CFAP221: variants seen among roughly 807,000 people sequenced by gnomAD.
CFAP221 encodes the protein cilia- and flagella-associated protein 221.
Under a neutral mutation model 113.1 loss-of-function variants are expected in CFAP221, and 97 were observed. The ratio of observed to expected loss-of-function variants is 0.86; its 90% CI spans 0.73 to 1.02. CFAP221 has a LOEUF of 1.02. Ranked by LOEUF, CFAP221 falls within the 50% of genes least tolerant of loss-of-function variation. The pLI is 0.00. For missense variants in CFAP221, 1,025 were observed against 1,013.4 expected (o/e 1.01, Z -0.16); for synonymous variants, 331 against 354.4 (o/e 0.93, Z 0.74).
intron 23 of CFAP221, chr2:119,656,006 A>G (rs1164880146): frequency 4.1e-6 from 1 of 241,760 alleles, no homozygotes; most frequent in African/African-American, 2.2e-5. Flanking sequence ...GCATTGACTG[A>G]GCACTTAGAA....
intron 7 of CFAP221, chr2:119,590,214 T>G (rs1266571679): frequency 6.6e-6 from 1 of 152,230 alleles, no homozygotes; most frequent in Non-Finnish European, 1.5e-5. Flanking sequence ...TTCATTCTCT[T>G]TTTTTAATTA....
In CFAP221 at chr2:119,625,690, T is replaced by G. The variant is rs2104747304; in HGVS notation, c.1516+2T>G. 1 of 1,598,620 alleles carries G rather than the reference T, an allele frequency of 6.3e-7. No homozygotes were observed. The highest frequency in any genetic ancestry group is 2.2e-5 in the East Asian group (1 of 44,776). ...AAGCAAAACAATCGATAGCACAAGG[T>G]GAAGTATGGCTGCAAAGCACAGAGA... On this transcript the variant is annotated splice_donor_variant, in intron 15 of 23. Transcript: ENST00000413369. LOFTEE classifies it high-confidence loss of function.
At chr2:119,572,579 A>C (rs909432745) in intron 6 of CFAP221, 2 of 701,214 alleles carry the variant, frequency 2.9e-6, no homozygotes, top group African/African-American at 3.5e-5. Flanking sequence ...TAACTAGTTG[A>C]AACTTGGAGC....
intron 14 of CFAP221, among the ~76,000 whole-genome samples, chr2:119,624,766 A>G (rs1412435736): frequency 6.6e-6 from 1 of 152,186 alleles, no homozygotes; most frequent in Non-Finnish European, 1.5e-5. Context: ...AAACTAACAC[A>G]GGAACAGAAA....
chr2:119,562,252 GC>G, intron 6 of CFAP221, 138 bp downstream of exon 6: 51 of 171,326 alleles, frequency 3.0e-4, no homozygotes, highest in South Asian at 1.2e-3. Context: ...ATTGTAAAAG[GC>G]AAAAAAAAAA....
chr2:119,605,053 C>A, intron 10 of CFAP221, 66 bp downstream of exon 10: 1 of 1,520,022 alleles, frequency 6.6e-7, no homozygotes, highest in South Asian at 1.1e-5. Flanking sequence ...GCTGGTCACA[C>A]TGATTACCTA....
At chr2:119,545,113 T>G (rs1679961653) in intron 1 of CFAP221, 1 of 152,084 alleles carries the variant, frequency 6.6e-6, no homozygotes, top group Non-Finnish European at 1.5e-5. Context: ...CCTTCATAGA[T>G]TCACTGCCTG....
At chr2:119,592,983 C>G (rs1052464860) in intron 7 of CFAP221, among the ~76,000 whole-genome samples, 1 of 152,126 alleles carries the variant, frequency 6.6e-6, no homozygotes, top group Non-Finnish European at 1.5e-5. Context: ...AATGGCATGT[C>G]CTTTTGATCT....
At chr2:119,615,534 C>G (rs1254621008) in intron 13 of CFAP221, 77 bp from the exon 14 acceptor site, 1 of 1,081,302 alleles carries the variant, frequency 9.2e-7, no homozygotes, top group Non-Finnish European at 1.3e-6. Flanking sequence ...GGATCAAACT[C>G]TAAAATGTTT....
chr2:119,573,680 C>G (rs1014494470), intron 6 of CFAP221, among the ~76,000 whole-genome samples: 1 of 152,046 alleles, frequency 6.6e-6, no homozygotes, highest in Admixed American at 6.6e-5. Context: ...TGCAACAGAG[C>G]GAGACCTCAT....
At chr2:119,549,281 C>A in intron 3 of CFAP221, 96 bp downstream of exon 3, 1 of 976,844 alleles carries the variant, frequency 1.0e-6, no homozygotes, top group Middle Eastern at 2.6e-4. Context: ...ACAGCATAAT[C>A]AGCCGTAGTG....
At chr2:119,565,755 G>A (rs1158185266) in intron 6 of CFAP221, among the ~76,000 whole-genome samples, 1 of 152,168 alleles carries the variant, frequency 6.6e-6, no homozygotes, top group East Asian at 1.9e-4. Flanking sequence ...TTAACGTAAT[G>A]GCTTATAATC....
rs1042512540 is a variant in CFAP221 at position 119,631,524 on chromosome 2, A to C, written c.1974+623A>C. On this transcript the variant is annotated intron_variant, in intron 19 of 23. Coordinates refer to ENST00000413369, the MANE Select transcript of CFAP221 (RefSeq NM_001271049.2). The stretch of plus-strand genomic sequence containing the variant: ...CCTGTCTCTACTAAAAGTACAAAAA[A>C]ATTAGCCAAACGCGGTGGCACCTGC... 2.2e-3 allele frequency among the ~76,000 whole-genome samples: 328 copies of C among 152,208 alleles called. 4 individuals carry two copies. The highest frequency in any genetic ancestry group is 5.1e-4 in the Non-Finnish European group (35 of 68,016).
At chr2:119,636,479 A>G (rs1201361255) in intron 19 of CFAP221, among the ~76,000 whole-genome samples, 2 of 152,240 alleles carry the variant, frequency 1.3e-5, no homozygotes, top group East Asian at 3.8e-4. Context: ...AAGCAGAATA[A>G]TGTAATCTTC....
chr2:119,611,528 C>A, intron 12 of CFAP221, 125 bp from the exon 13 acceptor site: 1 of 705,654 alleles, frequency 1.4e-6, no homozygotes, highest in Non-Finnish European at 2.4e-6. Context: ...TGTGTTTCAC[C>A]ACTTCCAATG....
chr2:119,625,158 G>A (rs927449117), intron 14 of CFAP221, among the ~76,000 whole-genome samples: 3 of 152,204 alleles, frequency 2.0e-5, no homozygotes, highest in Non-Finnish European at 4.4e-5. Context: ...AAGCTCATTG[G>A]TAGGCAGTTA....
At chr2:119,644,786 A>G (rs1359551222) in intron 21 of CFAP221, among the ~76,000 whole-genome samples, 1 of 152,202 alleles carries the variant, frequency 6.6e-6, no homozygotes, top group African/African-American at 2.4e-5. Context: ...ATTCACACCA[A>G]TGCCTACAGT....
intron 8 of CFAP221, among the ~76,000 whole-genome samples, chr2:119,603,040 A>G (rs1031896611): frequency 2.0e-5 from 3 of 152,188 alleles, no homozygotes; most frequent in Non-Finnish European, 2.9e-5. Flanking sequence ...ATATTATAAC[A>G]TATAAATTCT....
chr2:119,566,708 A>G (rs1400638176), intron 6 of CFAP221, among the ~76,000 whole-genome samples: 2 of 151,960 alleles, frequency 1.3e-5, no homozygotes, highest in Non-Finnish European at 2.9e-5. Context: ...TCTGAGCCCT[A>G]CCTCACTGGT....
Sources: allele counts gnomAD v4.1 joint callset (sites outside exome capture counted in the v4.1 genomes callset), GRCh38; gene constraint gnomAD v4.1.1; transcripts MANE v1.5; gene names NCBI Gene and HGNC (gene_info 2026-07-23, HGNC 2026-07-21).